The following NALCN variants were observed in gnomAD, a reference collection of about 807,000 sequenced individuals.
NALCN encodes sodium leak channel, non-selective, also known as sodium leak channel NALCN.
In NALCN, 111 loss-of-function variants were observed where a neutral mutation model predicts 225.3. That is an observed-to-expected ratio of 0.49 (90% CI 0.42 to 0.58). The LOEUF is 0.58. Among genes scored for constraint, NALCN ranks in the 20% least tolerant of loss-of-function variants. The pLI is 0.00. For synonymous variants in NALCN, 764 were observed against 769.0 expected, an observed-to-expected ratio of 0.99 and a Z score of 0.11; for missense variants, 1,378 against 2,202.4, an observed-to-expected ratio of 0.63 and a Z score of 7.49.
intron 10 of NALCN, among the ~76,000 whole-genome samples, chr13:101,260,956 T>A (rs902129666): frequency 5.9e-5 from 9 of 152,238 alleles, no homozygotes; most frequent in Admixed American, 5.9e-4. Context: ...CCCAGTCCAA[T>A]GTCCTGGAGA....
intron 10 of NALCN, among the ~76,000 whole-genome samples, chr13:101,271,603 CTG>C (rs34861427): frequency 0.18 from 27,432 of 151,582 alleles, 2,642 homozygotes; most frequent in East Asian, 0.35. Context: ...GTGTGTGCGC[CTG>C]TGTGTGAGTG....
Position 101,218,761 on chromosome 13 carries a change from C to T in NALCN, c.1626+10632G>A, listed in dbSNP as rs140062855. 5.1e-4 allele frequency among the ~76,000 whole-genome samples: 78 copies of T among 152,142 alleles called. 2 individuals are homozygous for T. In the East Asian group the frequency reaches 0.014, roughly 27 times the overall value. ...CAGCCATATAAGACTTGCCTGCTTC[C>T]CCTTTGCCTTCTGCTGTGATTGTAA... On this transcript the variant is annotated intron_variant, in intron 13 of 43. Coordinates refer to ENST00000251127, the MANE Select transcript of NALCN (RefSeq NM_052867.4).
intron 7 of NALCN, among the ~76,000 whole-genome samples, chr13:101,343,696 C>T (rs1261770187): frequency 6.6e-6 from 1 of 152,184 alleles, no homozygotes; most frequent in Non-Finnish European, 1.5e-5. Context: ...GGGCGACTGC[C>T]TCCAAGGCAA....
chr13:101,056,698 C>T (rs946440436), intron 43 of NALCN, among the ~76,000 whole-genome samples: 4 of 152,162 alleles, frequency 2.6e-5, no homozygotes, highest in African/African-American at 7.2e-5. Context: ...CCTTTGTTGC[C>T]TTGTGCTCAC....
chr13:101,374,252 A>G (rs1201553473), intron 6 of NALCN, among the ~76,000 whole-genome samples: 3 of 151,678 alleles, frequency 2.0e-5, no homozygotes, highest in African/African-American at 7.3e-5. Flanking sequence ...CACTTCTGTG[A>G]ACCTAAGGTA....
At chr13:101,080,592 A>T (rs1199178185) in intron 34 of NALCN, among the ~76,000 whole-genome samples, 1 of 136,828 alleles carries the variant, frequency 7.3e-6, no homozygotes, top group African/African-American at 2.6e-5. Flanking sequence ...TAATTAAATA[A>T]TTATTAAATT....
chr13:101,172,033 A>C (rs1325407584), intron 15 of NALCN, among the ~76,000 whole-genome samples: 1 of 152,216 alleles, frequency 6.6e-6, no homozygotes, highest in Non-Finnish European at 1.5e-5. Context: ...AAGTGAATGC[A>C]CAATTCTCTT....
rs2034922264 is a variant in NALCN at position 101,103,274 on chromosome 13, T to C, written c.2955A>G (p.Leu985=). 1.2e-6 allele frequency: 2 copies of C among 1,614,006 alleles called. No homozygotes were observed. Among genetic ancestry groups the C allele is most frequent in the Non-Finnish European group, 1.7e-6 (2 of 1,179,904 alleles). Residue 985 remains leucine, a synonymous_variant, in exon 26 of 44, where the codon CTA becomes CTG. Coordinates refer to ENST00000251127, the MANE Select transcript of NALCN (RefSeq NM_052867.4). ...GAGGTCTCAGGCACCGAAGGACCAT[T>C]AGAAGCTGAGCTCCCGATTCAGCAG... The part of the protein sequence containing the change: ...NVPAESGAQL[L]MVLRCLRPLR...
intron 17 of NALCN, among the ~76,000 whole-genome samples, chr13:101,138,117 T>C (rs2036894636): frequency 6.6e-6 from 1 of 152,212 alleles, no homozygotes; most frequent in South Asian, 2.1e-4. Context: ...TTCTGTCTCA[T>C]GGTTCCAGTA....
chr13:101,167,962 C>T (rs9582455), intron 15 of NALCN, among the ~76,000 whole-genome samples: 36,748 of 151,942 alleles, frequency 0.24, 5,222 homozygotes, highest in Non-Finnish European at 0.32. Context: ...GCCTCCTTGG[C>T]TAAGTTTATT....
chr13:101,282,245 G>A (rs1441912613), intron 10 of NALCN, among the ~76,000 whole-genome samples: 8 of 151,914 alleles, frequency 5.3e-5, no homozygotes, highest in Non-Finnish European at 7.4e-5. Flanking sequence ...GTCAAGACAG[G>A]GAACAACCTA....
chr13:101,229,335 T>A, intron 13 of NALCN, 58 bp downstream of exon 13: 7 of 1,385,752 alleles, frequency 5.1e-6, no homozygotes, highest in Non-Finnish European at 6.7e-6. Flanking sequence ...TTGATGTTAA[T>A]CATTATTACT....
intron 15 of NALCN, among the ~76,000 whole-genome samples, chr13:101,171,454 C>T (rs914425769): frequency 2.0e-5 from 3 of 150,194 alleles, no homozygotes; most frequent in Non-Finnish European, 3.0e-5. Context: ...TATTTTTTTC[C>T]GAGGTCTCTG....
At chr13:101,341,810 T>C (rs7985926) in intron 7 of NALCN, among the ~76,000 whole-genome samples, 35,783 of 152,080 alleles carry the variant, frequency 0.24, 4,348 homozygotes, top group Non-Finnish European at 0.26. Context: ...CTAACCCCCA[T>C]GGGGGTGATG....
chr13:101,117,459 G>A (rs999472909), intron 18 of NALCN, among the ~76,000 whole-genome samples: 6 of 152,262 alleles, frequency 3.9e-5, no homozygotes, highest in African/African-American at 1.2e-4. Context: ...AAATGCTGCA[G>A]GAACTGCATT....
chr13:101,376,021 A>G (rs987802636), intron 6 of NALCN, among the ~76,000 whole-genome samples: 1 of 152,182 alleles, frequency 6.6e-6, no homozygotes, highest in South Asian at 2.1e-4. Context: ...AAGTACATAC[A>G]TTCTATCTTA....
intron 10 of NALCN, among the ~76,000 whole-genome samples, chr13:101,273,884 C>CAAAAAAAAAAAAA (rs34847260): frequency 1.0e-5 from 1 of 95,868 alleles, no homozygotes; most frequent in Non-Finnish European, 2.0e-5. Flanking sequence ...GACTCCATCT[C>CAAAAAAAAAAAAA]AAAAAAAAAA....
intron 27 of NALCN, among the ~76,000 whole-genome samples, chr13:101,098,517 C>T (rs894848903): frequency 1.3e-5 from 2 of 152,126 alleles, no homozygotes; most frequent in African/African-American, 2.4e-5. Flanking sequence ...GATCTCATGA[C>T]ATCTGTTGAG....
At chr13:101,141,371 TACTTAAA>T (rs888577650) in intron 17 of NALCN, among the ~76,000 whole-genome samples, 1 of 151,984 alleles carries the variant, frequency 6.6e-6, no homozygotes, top group African/African-American at 2.4e-5. Flanking sequence ...AAAGGCTAAT[TACTTAAA>T]AAAAAAATGA....
Sources: allele counts gnomAD v4.1 joint callset (sites outside exome capture counted in the v4.1 genomes callset), GRCh38; gene constraint gnomAD v4.1.1; transcripts MANE v1.5; gene names NCBI Gene and HGNC (gene_info 2026-07-23, HGNC 2026-07-21).